GTF2IRD1: variants seen among roughly 807,000 people sequenced by gnomAD.
The protein encoded by GTF2IRD1 is general transcription factor II-I repeat domain-containing protein 1.
A neutral mutation model predicts 113.2 loss-of-function variants in GTF2IRD1; 26 were observed. That is an observed-to-expected ratio of 0.23 (90% CI 0.17 to 0.32). GTF2IRD1 has a LOEUF of 0.32. Ranked by LOEUF, GTF2IRD1 falls within the 10% of genes least tolerant of loss-of-function variation. The probability of loss-of-function intolerance (pLI) is 1.00; values close to 1 mark genes in which losing one functional copy is unlikely to be tolerated. For synonymous variants in GTF2IRD1, 484 were observed against 529.1 expected, an observed-to-expected ratio of 0.91 and a Z score of 1.17; for missense variants, 864 against 1,280.8, an observed-to-expected ratio of 0.67 and a Z score of 4.97.
intron 7 of GTF2IRD1, among the ~76,000 whole-genome samples, chr7:74,522,216 C>T (rs1746282025): frequency 6.6e-6 from 1 of 151,554 alleles, no homozygotes; most frequent in Non-Finnish European, 1.5e-5. Context: ...AGGAATTAAA[C>T]TCCACCTTTT....
intron 22 of GTF2IRD1, among the ~76,000 whole-genome samples, chr7:74,585,970 G>T (rs1411228388): frequency 6.6e-5 from 10 of 152,136 alleles, no homozygotes; most frequent in African/African-American, 2.4e-4. Context: ...AAAGACCAGG[G>T]CTTTGGGGTT....
chr7:74,529,847 T>G lies in GTF2IRD1; in HGVS notation c.1204T>G (p.Cys402Gly). The G allele has an allele frequency of 6.2e-7, 1 of 1,614,044 alleles. No homozygotes were observed. Among genetic ancestry groups the G allele is most frequent in the Non-Finnish European group, 8.5e-7 (1 of 1,179,960 alleles). Reference protein sequence around the residue: ...IPDKIPFKRPCTYGVPKLKRI... With the variant: ...IPDKIPFKRPGTYGVPKLKRI... ...GGACAAGATCCCCTTCAAGCGCCCC[T>G]GCACTTATGGAGTCCCCAAGCTGAA... is the stretch of plus-strand genomic sequence containing the variant. Residue 402 changes from cysteine (C) to glycine (G), a missense_variant, in exon 9 of 27, where the codon TGC becomes GGC. Physicochemically the swap from Cys to Gly is radical, Grantham distance 159 (BLOSUM62 -3). Coordinates refer to ENST00000424337, the MANE Select transcript of GTF2IRD1 (RefSeq NM_005685.4).
At chr7:74,578,776 C>T (rs1554365285) in intron 22 of GTF2IRD1, among the ~76,000 whole-genome samples, 1 of 152,082 alleles carries the variant, frequency 6.6e-6, no homozygotes, top group Non-Finnish European at 1.5e-5. Context: ...CGGGAGGATC[C>T]CTTGAGCTCA....
chr7:74,500,431 A>G (rs1181493720), intron 1 of GTF2IRD1, among the ~76,000 whole-genome samples: 2 of 151,948 alleles, frequency 1.3e-5, no homozygotes, highest in African/African-American at 4.8e-5. Context: ...GTTAAAAAAA[A>G]AAAAAAAGAA....
At chr7:74,561,346 CAAAAAAAA>C (rs11452589) in intron 22 of GTF2IRD1, among the ~76,000 whole-genome samples, 1 of 77,746 alleles carries the variant, frequency 1.3e-5, no homozygotes, top group Non-Finnish European at 2.5e-5. Flanking sequence ...TAGATTGTCT[CAAAAAAAA>C]AAAAAAAAAA....
Position 74,503,261 on chromosome 7 carries a change from G to A in GTF2IRD1, c.-6-4814G>A, listed in dbSNP as rs114096682. The stretch of plus-strand genomic sequence containing the variant: ...CAGGAGCCCGGGCACTGAACAGCAG[G>A]TGTTGGCAGCAGCTGAGCTACCAGC... On this transcript the variant is annotated intron_variant, in intron 1 of 26. Transcript: ENST00000424337. Among the ~76,000 whole-genome samples the A allele has an allele frequency of 1.8e-3, 277 of 152,262 alleles. 1 individual carries two copies. Among genetic ancestry groups the A allele is most frequent in the African/African-American group, 6.5e-3 (270 of 41,550 alleles).
At chr7:74,557,943 T>A (rs1343892374) in intron 20 of GTF2IRD1, among the ~76,000 whole-genome samples, 1 of 152,094 alleles carries the variant, frequency 6.6e-6, no homozygotes, top group Non-Finnish European at 1.5e-5. Flanking sequence ...TGCAGACCAA[T>A]GAGGTGAGAT....
rs1554369260 is a variant in GTF2IRD1, at chr7:74,590,781, G to T, written c.2399-44G>T. ...CCTTTCCCTAGAGGGCTTTGCCATT[G>T]ACAGGAGACATCTTTCCTCACTGTG... On this transcript the variant is annotated intron_variant, in intron 23 of 26. Transcript: ENST00000424337. 4 of 1,366,232 alleles carry T rather than the reference G, an allele frequency of 2.9e-6. No individual in the cohort carries two copies. The Admixed American group carries it at 7.9e-5, about 27-fold the overall frequency. 84.6% of individuals were successfully genotyped at this position (1,366,232 alleles called of 1,614,324 possible).
At chr7:74,533,715 C>A (rs1304148266) in intron 9 of GTF2IRD1, among the ~76,000 whole-genome samples, 2 of 152,014 alleles carry the variant, frequency 1.3e-5, no homozygotes, top group African/African-American at 4.8e-5. Context: ...TGCTTGGGCC[C>A]CCTTGATTTC....
chr7:74,552,873 T>C (rs1799392481), intron 17 of GTF2IRD1, among the ~76,000 whole-genome samples: 1 of 152,188 alleles, frequency 6.6e-6, no homozygotes, highest in Admixed American at 6.6e-5. Flanking sequence ...TCACTCACTC[T>C]ATTGCCCAGG....
At chr7:74,557,274 G>A (rs1332094405) in intron 19 of GTF2IRD1, among the ~76,000 whole-genome samples, 2 of 152,046 alleles carry the variant, frequency 1.3e-5, no homozygotes, top group African/African-American at 2.4e-5. Context: ...CCATTCCCTC[G>A]CTTGTCTCCA....
intron 9 of GTF2IRD1, among the ~76,000 whole-genome samples, chr7:74,534,466 G>C (rs1274113696): frequency 2.6e-5 from 4 of 152,200 alleles, no homozygotes; most frequent in Non-Finnish European, 4.4e-5. Context: ...GCTGGGTGTG[G>C]TTGCACACGC....
intron 17 of GTF2IRD1, among the ~76,000 whole-genome samples, chr7:74,550,454 G>A (rs1465514693): frequency 6.6e-6 from 1 of 151,838 alleles, no homozygotes; most frequent in Non-Finnish European, 1.5e-5. Context: ...CAGGCTTGGT[G>A]GTGTGCACCT....
In GTF2IRD1 at chr7:74,521,239, C is replaced by T. The variant is rs781914869; in HGVS notation, c.948C>T (p.Leu316=). ...GQKPTGPGGP[L]IQNVHASKRI... is the part of the protein sequence containing the mutation. ...AGCCCACTGGGCCTGGTGGGCCTCT[C>T]ATCCAGAACGTCCATGCCTCCAAGC... is the stretch of plus-strand genomic sequence containing the variant. Residue 316 remains leucine (L), a synonymous_variant, in exon 7 of 27, where the codon CTC becomes CTT. Transcript: ENST00000424337. The T allele has an allele frequency of 1.3e-5, 21 of 1,610,804 alleles. No homozygotes were observed. In the South Asian group the frequency reaches 2.3e-4, roughly 18 times the overall value.
At chr7:74,474,344 G>A (rs556654529) in intron 1 of GTF2IRD1, among the ~76,000 whole-genome samples, 1 of 152,242 alleles carries the variant, frequency 6.6e-6, no homozygotes, top group Non-Finnish European at 1.5e-5. Flanking sequence ...AGCCCCCCTG[G>A]TGGGGAAACC....
chr7:74,533,166 A>G (rs1200970648), intron 9 of GTF2IRD1, among the ~76,000 whole-genome samples: 6 of 122,736 alleles, frequency 4.9e-5, no homozygotes, highest in Non-Finnish European at 8.2e-5. Flanking sequence ...ATGGAGTCTC[A>G]CTCTATTGCC....
At chr7:74,509,035 G>T (rs1011488267) in intron 2 of GTF2IRD1, among the ~76,000 whole-genome samples, 1 of 151,942 alleles carries the variant, frequency 6.6e-6, no homozygotes, top group Non-Finnish European at 1.5e-5. Context: ...CCTTTTCCTG[G>T]GGGGAAGTTC....
rs567411680 is a variant in GTF2IRD1, at chr7:74,492,227, G to A, written c.-6-15848G>A. ...ACTCTGTCGCCCAGGCTGGAGTTCA[G>A]TGGCGTGATCTCGGCTCACCGCAAG... On this transcript the variant is annotated intron_variant, in intron 1 of 26. Coordinates refer to ENST00000424337, the MANE Select transcript of GTF2IRD1 (RefSeq NM_005685.4). Among the ~76,000 whole-genome samples, 4 of 149,088 alleles carry A rather than the reference G, an allele frequency of 2.7e-5. No homozygotes were observed. The East Asian group carries it at 7.9e-4, about 29-fold the overall frequency.
chr7:74,592,612 G>A (rs1253857905), intron 24 of GTF2IRD1, among the ~76,000 whole-genome samples: 1 of 151,190 alleles, frequency 6.6e-6, no homozygotes, highest in Non-Finnish European at 1.5e-5. Context: ...TCAGCTCACT[G>A]CAACCTCCAC....
Sources: gnomAD v4.1 joint callset for allele counts (sites outside exome capture counted in the v4.1 genomes callset) on GRCh38, gnomAD v4.1.1 for gene constraint, MANE v1.5 for transcripts, NCBI Gene and HGNC (gene_info 2026-07-23, HGNC 2026-07-21) for gene names.